The following PPP2CB variants were observed in gnomAD, a reference collection of about 807,000 sequenced individuals.
PPP2CB encodes the protein protein phosphatase 2 catalytic subunit beta, also known as serine/threonine-protein phosphatase 2A catalytic subunit beta isoform.
In PPP2CB, 18 loss-of-function variants were observed where a neutral mutation model predicts 39.1. The ratio of observed to expected loss-of-function variants is 0.46; its 90% CI spans 0.32 to 0.68. PPP2CB has a LOEUF of 0.68. PPP2CB is among the 30% of genes least tolerant of loss of function. The probability of loss-of-function intolerance (pLI) is 0.04; values close to 1 mark genes in which losing one functional copy is unlikely to be tolerated. For missense variants in PPP2CB, 226 were observed against 396.9 expected, an observed-to-expected ratio of 0.57 and a Z score of 3.66; for synonymous variants, 129 against 133.8, an observed-to-expected ratio of 0.96 and a Z score of 0.25.
rs1455748120 is a variant in PPP2CB, at chr8:30,794,564, CTTT to C, written c.487-286_487-284del. The C allele has an allele frequency of 1.8e-5, 5 of 275,758 alleles. No individual in the cohort carries two copies. The East Asian group carries it at 4.1e-4, about 22-fold the overall frequency. The allele number at this position is 275,758 out of a possible 1,614,324, so 17.1% of individuals were successfully genotyped here. On this transcript the variant is annotated intron_variant, in intron 3 of 6. Coordinates refer to ENST00000221138, the MANE Select transcript of PPP2CB (RefSeq NM_001009552.2). The stretch of plus-strand genomic sequence containing the variant: ...TACCTACCATTAAATTTCTTTCTTT[CTTT>C]TTTTTCTCCCTCCCCACTTCCCTCC...
At chr8:30,791,071 G>T in intron 6 of PPP2CB, 126 bp downstream of exon 6, 1 of 601,170 alleles carries the variant, frequency 1.7e-6, no homozygotes, top group Non-Finnish European at 2.8e-6. Flanking sequence ...CCAGCTAATG[G>T]TTATTTTTGC....
At chr8:30,806,111 G>A (rs970275024) in intron 1 of PPP2CB, among the ~76,000 whole-genome samples, 1 of 149,824 alleles carries the variant, frequency 6.7e-6, no homozygotes, top group Non-Finnish European at 1.5e-5. Context: ...GCAGTGGCGC[G>A]ATCTCGGCTC....
Position 30,812,464 on chromosome 8 carries a change from G to GCCGCCCT in PPP2CB, c.-50_-44dup. On this transcript the variant is annotated 5_prime_UTR_variant, in exon 1 of 7. Transcript: ENST00000221138. ...GCGGATCCCGAGCCCCAGCCCGGCC[G>GCCGCCCT]CCGCCCTCCCCCCTCCCCACCCGCC... The GCCGCCCT allele has an allele frequency of 7.2e-7, 1 of 1,387,700 alleles. No homozygotes were observed. Among genetic ancestry groups the GCCGCCCT allele is most frequent in the Non-Finnish European group, 9.6e-7 (1 of 1,046,414 alleles). 86.0% of individuals were successfully genotyped at this position (1,387,700 alleles called of 1,614,324 possible). A position where few individuals can be genotyped will look rare whatever the true frequency, so the allele number is the denominator to read the frequency against.
At chr8:30,804,518 T>C (rs1313266362) in intron 1 of PPP2CB, among the ~76,000 whole-genome samples, 2 of 152,202 alleles carry the variant, frequency 1.3e-5, no homozygotes, top group African/African-American at 2.4e-5. Context: ...TATGAGTCTT[T>C]TCCCTTGGCT....
At chr8:30,789,716 G>A (rs1187076540) in intron 6 of PPP2CB, among the ~76,000 whole-genome samples, 1 of 152,172 alleles carries the variant, frequency 6.6e-6, no homozygotes, top group East Asian at 1.9e-4. Context: ...GAGAGGTTGT[G>A]TTTAAGCCTC....
intron 1 of PPP2CB, among the ~76,000 whole-genome samples, chr8:30,811,505 ATTTT>A (rs569063598): frequency 1.0e-3 from 133 of 127,588 alleles, no homozygotes; most frequent in Non-Finnish European, 1.7e-3. Context: ...AGAATCAGCG[ATTTT>A]TTTTTTTTTT....
Position 30,786,287 on chromosome 8 carries a change from G to A in PPP2CB, c.878C>T (p.Pro293Leu), listed in dbSNP as rs1806339736. The change falls in exon 7 of 7, where the codon CCT becomes CTT. Residue 293 changes from proline (P) to leucine (L), a missense_variant. Around this residue, in one of 4 missense-constraint regions of PPP2CB, gnomAD observed 56 missense variants for 92.0 expected, o/e 0.61. Coordinates refer to ENST00000221138, the MANE Select transcript of PPP2CB (RefSeq NM_001009552.2). ...KYSFLQFDPA[P>L]RRGEPHVTRR... ...TGTAACATGAGGCTCACCACGACGA[G>A]GCGCTGGGTCAAATTGAAGGCTGTA... 17 of 1,578,760 alleles carry A rather than the reference G, an allele frequency of 1.1e-5. No homozygotes were observed. The highest frequency in any genetic ancestry group is 1.5e-5 in the Non-Finnish European group (17 of 1,161,762).
At chr8:30,786,852 G>C (rs190575143) in intron 6 of PPP2CB, among the ~76,000 whole-genome samples, 100 of 151,210 alleles carry the variant, frequency 6.6e-4, no homozygotes, top group Non-Finnish European at 1.2e-3. Flanking sequence ...TTTTTTAGTA[G>C]AGACGGGGTT....
At chr8:30,794,307 T>A in intron 3 of PPP2CB, 26 bp from the exon 4 acceptor site, 1 of 1,565,382 alleles carries the variant, frequency 6.4e-7, no homozygotes. Flanking sequence ...CAAAAGAGAA[T>A]GTATTTGTTT....
In PPP2CB at chr8:30,812,301, G is replaced by T; in HGVS notation, c.102+19C>A. Reference sequence around the variant, plus strand: ...GTCCCAGCCCCGCGCTCCCGCACTCGCCCCCGCGGCGCCCTCACCTTCTCG... The same window carrying T: ...GTCCCAGCCCCGCGCTCCCGCACTCTCCCCCGCGGCGCCCTCACCTTCTCG... On this transcript the variant is annotated intron_variant, in intron 1 of 6. Transcript: ENST00000221138. 6.7e-7 allele frequency: 1 copy of T among 1,488,114 alleles called. No individual in the cohort carries two copies. The highest frequency in any genetic ancestry group is 1.4e-5 in the African/African-American group (1 of 69,222). The allele number at this position is 1,488,114 out of a possible 1,614,324, so 92.2% of individuals were successfully genotyped here.
intron 6 of PPP2CB, among the ~76,000 whole-genome samples, chr8:30,788,626 G>T (rs1370749390): frequency 6.6e-6 from 1 of 152,176 alleles, no homozygotes; most frequent in African/African-American, 2.4e-5. Flanking sequence ...TAAATTGCCT[G>T]AGGCATGTTT....
At chr8:30,796,106 T>C (rs943671610) in intron 3 of PPP2CB, among the ~76,000 whole-genome samples, 1 of 152,236 alleles carries the variant, frequency 6.6e-6, no homozygotes, top group African/African-American at 2.4e-5. Flanking sequence ...GAAGACTATG[T>C]TGCTTCAAAA....
chr8:30,808,559 A>G (rs1469843914), intron 1 of PPP2CB, among the ~76,000 whole-genome samples: 2 of 152,370 alleles, frequency 1.3e-5, no homozygotes, highest in East Asian at 3.9e-4. Flanking sequence ...GATAGTTTAT[A>G]TAATTAGGTT....
chr8:30,799,329 A>C (rs1806579992), intron 2 of PPP2CB, among the ~76,000 whole-genome samples: 1 of 152,242 alleles, frequency 6.6e-6, no homozygotes, highest in African/African-American at 2.4e-5. Context: ...TATGATTCCA[A>C]GACTTCAGCT....
At chr8:30,787,493 C>T (rs1451887150) in intron 6 of PPP2CB, among the ~76,000 whole-genome samples, 1 of 152,176 alleles carries the variant, frequency 6.6e-6, no homozygotes, top group Non-Finnish European at 1.5e-5. Flanking sequence ...GGCTGAGCCA[C>T]CACACCAGGT....
intron 2 of PPP2CB, among the ~76,000 whole-genome samples, chr8:30,798,550 C>T (rs1361519440): frequency 1.3e-5 from 2 of 152,216 alleles, no homozygotes; most frequent in Non-Finnish European, 2.9e-5. Flanking sequence ...TATACCATTA[C>T]AGCCTTTGTG....
intron 1 of PPP2CB, among the ~76,000 whole-genome samples, chr8:30,804,241 T>C (rs763678451): frequency 6.6e-6 from 1 of 152,232 alleles, no homozygotes; most frequent in Non-Finnish European, 1.5e-5. Context: ...TATTTTGGTA[T>C]TGCCATTTAT....
At chr8:30,811,786 G>C (rs540378075) in intron 1 of PPP2CB, among the ~76,000 whole-genome samples, 6 of 152,336 alleles carry the variant, frequency 3.9e-5, no homozygotes, top group Non-Finnish European at 7.3e-5. Flanking sequence ...ACAGGCGTGA[G>C]CCACCACGCC....
At position 30,797,608 on chromosome 8, in the gene PPP2CB, A is replaced by G; in HGVS notation, c.459T>C (p.Leu153=). 1 of 1,613,868 alleles carries G rather than the reference A, an allele frequency of 6.2e-7. No homozygotes were observed. The highest frequency in any genetic ancestry group is 8.5e-7 in the Non-Finnish European group (1 of 1,179,778). The change falls in exon 3 of 7, where the codon CTT becomes CTC. Residue 153 remains leucine (L), a synonymous_variant. Coordinates refer to ENST00000221138, the MANE Select transcript of PPP2CB (RefSeq NM_001009552.2). The part of the protein sequence containing the change: ...WKYFTDLFDY[L]PLTALVDGQI... Reference sequence around the variant, plus strand: ...GTCCATCTACTAAAGCTGTAAGTGGAAGATAATCAAAGAGATCTGTAAAAT... The same window carrying G: ...GTCCATCTACTAAAGCTGTAAGTGGGAGATAATCAAAGAGATCTGTAAAAT...
Sources: allele counts gnomAD v4.1 joint callset (sites outside exome capture counted in the v4.1 genomes callset), GRCh38; gene constraint gnomAD v4.1.1; regional missense constraint gnomAD v4.1.1; transcripts MANE v1.5; gene names NCBI Gene and HGNC (gene_info 2026-07-23, HGNC 2026-07-21).